Variants in NUP214 observed in about 807,000 individuals in gnomAD.
NUP214 encodes the protein nuclear pore complex protein Nup214.
Under a neutral mutation model 196.2 loss-of-function variants are expected in NUP214, and 79 were observed. That is an observed-to-expected ratio of 0.40 (90% CI 0.34 to 0.49). NUP214 has a LOEUF of 0.49. Among genes scored for constraint, NUP214 ranks in the 20% least tolerant of loss-of-function variants. NUP214 has a pLI of 0.58. For missense variants in NUP214, 2,468 were observed against 2,539.0 expected (o/e 0.97, Z 0.60); for synonymous variants, 1,020 against 990.5 (o/e 1.03, Z -0.56).
rs66652901 is a variant in NUP214, at chr9:131,192,169, C to CTTTTTTTTTTTT, written c.3575-24_3575-13dup. ...AGTGTTTCTGTCTTTTTGTAATATT[C>CTTTTTTTTTTTT]TTTTTTTTTTTTTTTTTTTTTTTTT... On this transcript the variant is annotated intron_variant, in intron 26 of 35. Transcript: ENST00000359428. The CTTTTTTTTTTTT allele has an allele frequency of 2.0e-5, 9 of 447,482 alleles. 1 individual carries two copies. Among genetic ancestry groups the CTTTTTTTTTTTT allele is most frequent in the African/African-American group, 1.2e-4 (3 of 26,052 alleles). 27.7% of individuals were successfully genotyped at this position (447,482 alleles called of 1,614,324 possible).
Position 131,163,072 on chromosome 9 carries a change from G to T in NUP214, c.2622G>T (p.Arg874Ser), listed in dbSNP as rs201338970. The change falls in exon 19 of 36, where the codon AGG (arginine) becomes AGT (serine). Residue 874 changes from arginine (R) to serine (S), a missense_variant. Physicochemically the swap from Arg to Ser is moderately radical, Grantham distance 110. Transcript: ENST00000359428. ...NREIINQQRK[R>S]LNHLVDSLQQ... The stretch of plus-strand genomic sequence containing the variant: ...AAATCATCAACCAACAGAGGAAGAG[G>T]CTGAATCACCTGGTGGATAGTCTTC... 9 of 1,614,182 alleles carry T rather than the reference G, an allele frequency of 5.6e-6. No homozygotes were observed. Among genetic ancestry groups the T allele is most frequent in the Non-Finnish European group, 6.8e-6 (8 of 1,180,036 alleles).
Position 131,164,156 on chromosome 9 carries a change from C to G in NUP214, c.2893+12C>G. The G allele has an allele frequency of 6.2e-7, 1 of 1,613,054 alleles. No individual in the cohort carries two copies. Among genetic ancestry groups the G allele is most frequent in the Non-Finnish European group, 8.5e-7 (1 of 1,179,156 alleles). On this transcript the variant is annotated intron_variant, in intron 21 of 35. Transcript: ENST00000359428. ...ATCCACTGCTCCAGGTAAAGAGAAC[C>G]AGTAACTGGGCCTGTACATAGTGAT...
At chr9:131,230,860 T>TG in intron 34 of NUP214, 91 bp downstream of exon 34, 1 of 1,424,306 alleles carries the variant, frequency 7.0e-7, no homozygotes, top group East Asian at 2.5e-5. Context: ...CTGACCAGTC[T>TG]GTTTAGTATT....
chr9:131,179,429 C>G (rs1588149405), intron 24 of NUP214, among the ~76,000 whole-genome samples: 1 of 152,136 alleles, frequency 6.6e-6, no homozygotes, highest in Non-Finnish European at 1.5e-5. Flanking sequence ...TGACTGTGAT[C>G]CCTTTAGACC....
chr9:131,233,838 TGTTG>T lies in NUP214; in HGVS notation c.*352_*355del. The T allele has an allele frequency of 2.4e-6, 1 of 411,150 alleles. No individual in the cohort carries two copies. Among genetic ancestry groups the T allele is most frequent in the Non-Finnish European group, 4.6e-6 (1 of 218,238 alleles). 25.5% of individuals were successfully genotyped at this position (411,150 alleles called of 1,614,324 possible). ...GGCATCAGAAGTCACCAGCGTCGGGTGTTGATAAACAGCATCGAATGTGCCGTGG... is the reference window on the plus strand; with the variant it reads ...GGCATCAGAAGTCACCAGCGTCGGGTATAAACAGCATCGAATGTGCCGTGG... On this transcript the variant is annotated 3_prime_UTR_variant, in exon 36 of 36. Coordinates refer to ENST00000359428, the MANE Select transcript of NUP214 (RefSeq NM_005085.4).
intron 17 of NUP214, among the ~76,000 whole-genome samples, chr9:131,155,332 G>A (rs1363802514): frequency 6.6e-6 from 1 of 151,952 alleles, no homozygotes; most frequent in Non-Finnish European, 1.5e-5. Context: ...CTTTTTGATG[G>A]GATTGTTTGT....
chr9:131,218,177 G>A (rs1344404775), intron 31 of NUP214, among the ~76,000 whole-genome samples: 2 of 152,204 alleles, frequency 1.3e-5, no homozygotes, highest in Admixed American at 6.5e-5. Context: ...TTTTGAAGGA[G>A]TAGAGGAAAC....
rs1299011456 is a variant in NUP214, at chr9:131,234,073, G to A, written c.*586G>A. 8 of 254,458 alleles carry A rather than the reference G, an allele frequency of 3.1e-5. No individual in the cohort carries two copies. Among genetic ancestry groups the A allele is most frequent in the East Asian group, 5.7e-5 (1 of 17,504 alleles). The allele number at this position is 254,458 out of a possible 1,614,324, so 15.8% of individuals were successfully genotyped here. A position where few individuals can be genotyped will look rare whatever the true frequency, so the allele number is the denominator to read the frequency against. ...GTTGAGTTTCAGAAGCAGCCATAGCGCTTTTCAGTACAGTACAATAGTAGC... is the reference window on the plus strand; with the variant it reads ...GTTGAGTTTCAGAAGCAGCCATAGCACTTTTCAGTACAGTACAATAGTAGC... On this transcript the variant is annotated 3_prime_UTR_variant, in exon 36 of 36. Coordinates refer to ENST00000359428, the MANE Select transcript of NUP214 (RefSeq NM_005085.4).
chr9:131,176,397 C>T (rs997421726), intron 23 of NUP214, among the ~76,000 whole-genome samples: 2 of 151,490 alleles, frequency 1.3e-5, no homozygotes, highest in African/African-American at 4.9e-5. Flanking sequence ...GATCACGGCT[C>T]GCTGCAGCCT....
intron 4 of NUP214, 97 bp downstream of exon 4, chr9:131,129,574 G>GT (rs1831464195): frequency 1.5e-3 from 1,902 of 1,244,162 alleles, no homozygotes; most frequent in Non-Finnish European, 1.9e-3. Context: ...TTTGTGTTTT[G>GT]GTTTTTTTTT....
chr9:131,157,353 G>T lies in NUP214; in HGVS notation c.2437-2030G>T, dbSNP rs1232549942. ...TTTTTAAAATTTTTGTAGAGATGGG[G>T]CCTTGCTGTGTTGCCCAAGCAGGTC... On this transcript the variant is annotated intron_variant, in intron 17 of 35. Coordinates refer to ENST00000359428, the MANE Select transcript of NUP214 (RefSeq NM_005085.4). Among the ~76,000 whole-genome samples, 4 of 151,656 alleles carry T rather than the reference G, an allele frequency of 2.6e-5. No homozygotes were observed. In the East Asian group the frequency reaches 7.7e-4, roughly 29 times the overall value.
At chr9:131,187,172 C>A in intron 24 of NUP214, 117 bp from the exon 25 acceptor site, 3 of 777,696 alleles carry the variant, frequency 3.9e-6, no homozygotes, top group Non-Finnish European at 4.4e-6. Context: ...GGGTCCCATG[C>A]ATCTGTATCC....
chr9:131,145,670 T>C (rs987362365), intron 12 of NUP214, among the ~76,000 whole-genome samples: 2 of 152,196 alleles, frequency 1.3e-5, no homozygotes, highest in African/African-American at 4.8e-5. Flanking sequence ...CTTTAGGCCA[T>C]AAGTATCCCA....
intron 1 of NUP214, 79 bp from the exon 2 acceptor site, chr9:131,127,445 T>C: frequency 8.7e-7 from 1 of 1,153,968 alleles, no homozygotes; most frequent in Non-Finnish European, 1.2e-6. Context: ...TTTGTTGTAC[T>C]GAAATTGGGT....
chr9:131,125,863 C>A lies in NUP214; in HGVS notation c.45+114C>A. On this transcript the variant is annotated intron_variant, in intron 1 of 35. Transcript: ENST00000359428. The surrounding 1 kb of genome is among the most constrained non-coding windows in gnomAD (Gnocchi z 4.1). ...CCCGCCTCCTGCTTGAACAGTTTAC[C>A]GCGTTCACAGCTCTCACCAGCGCGT... The A allele has an allele frequency of 7.9e-7, 1 of 1,270,548 alleles. No homozygotes were observed. The highest frequency in any genetic ancestry group is 1.1e-6 in the Non-Finnish European group (1 of 906,942). 78.7% of individuals were successfully genotyped at this position (1,270,548 alleles called of 1,614,324 possible).
chr9:131,230,309 A>G (rs1834840322), intron 33 of NUP214: 1 of 278,768 alleles, frequency 3.6e-6, no homozygotes, highest in Non-Finnish European at 6.8e-6. Flanking sequence ...AATAAAGCTT[A>G]AGGATTGTTG....
In NUP214 at chr9:131,146,184, A is replaced by G. The variant is rs1485320775; in HGVS notation, c.1825A>G (p.Met609Val). The G allele has an allele frequency of 3.1e-6, 5 of 1,613,918 alleles. No homozygotes were observed. Among genetic ancestry groups the G allele is most frequent in the Non-Finnish European group, 4.2e-6 (5 of 1,180,024 alleles). ...PVSSSQSAPPMSPFSSASKPA... is the reference protein window; with the variant it reads ...PVSSSQSAPPVSPFSSASKPA... ...TAGTAGCTCCCAGAGCGCACCCCCG[A>G]TGTCGCCATTCTCTTCTGCCTCCAA... The change falls in exon 13 of 36, where the codon ATG becomes GTG. Residue 609 changes from methionine (M) to valine (V), a missense_variant. By Grantham distance (21) the Met-to-Val change is conservative (BLOSUM62 1). Around this residue, in one of 5 missense-constraint regions of NUP214, gnomAD observed 1,801 missense variants for 1,779.4 expected, o/e 1.01. Transcript: ENST00000359428. The surrounding 1 kb of genome is among the most constrained non-coding windows in gnomAD (Gnocchi z 4.6).
intron 12 of NUP214, among the ~76,000 whole-genome samples, chr9:131,145,316 A>G (rs538658661): frequency 1.3e-5 from 2 of 152,126 alleles, no homozygotes; most frequent in Admixed American, 6.5e-5. Flanking sequence ...TTACTTCTTT[A>G]TCTTGTTCTT....
chr9:131,128,311 T>G lies in NUP214; in HGVS notation c.242-21T>G, dbSNP rs375222480. The G allele has an allele frequency of 8.7e-6, 14 of 1,601,312 alleles. No individual in the cohort carries two copies. In the African/African-American group the frequency reaches 1.7e-4, roughly 20 times the overall value. ...GCTTAGAACATACCGTTTTCTGCTTTGTATTTTTTTGTTTTCATAGTTGAT... is the reference window on the plus strand; with the variant it reads ...GCTTAGAACATACCGTTTTCTGCTTGGTATTTTTTTGTTTTCATAGTTGAT... On this transcript the variant is annotated intron_variant, in intron 2 of 35. Transcript: ENST00000359428.
Sources: gnomAD v4.1 joint callset for allele counts (sites outside exome capture counted in the v4.1 genomes callset) on GRCh38, gnomAD v4.1.1 for gene constraint, gnomAD v4.1.1 regional missense constraint, Gnocchi (gnomAD v3.1) non-coding constraint, MANE v1.5 for transcripts, NCBI Gene and HGNC (gene_info 2026-07-23, HGNC 2026-07-21) for gene names.